JPH2: variants seen among roughly 807,000 people sequenced by gnomAD.
The protein encoded by JPH2 is junctophilin-2.
Under a neutral mutation model 55.9 loss-of-function variants are expected in JPH2, and 38 were observed. That is an observed-to-expected ratio of 0.68 (90% CI 0.52 to 0.89). JPH2 has a LOEUF of 0.89. Ranked by LOEUF, JPH2 falls within the 40% of genes least tolerant of loss-of-function variation. The pLI, the probability that JPH2 is intolerant of heterozygous loss-of-function variation, is 0.00. For synonymous variants in JPH2, 480 were observed against 472.4 expected (o/e 1.02, Z -0.21); for missense variants, 964 against 1,037.6 (o/e 0.93, Z 0.97).
chr20:44,159,258 G>C lies in JPH2; in HGVS notation c.1169+360C>G, dbSNP rs2072586397. ...GTGGATTTGGATGGATGTTTGGGTG[G>C]TTGACTGCGAGGTTGTGTGGATAGA... On this transcript the variant is annotated intron_variant, in intron 2 of 5. Transcript: ENST00000372980. This position sits in a 1 kb window ranked among gnomAD's most constrained non-coding sequence, Gnocchi z 5.7. Among the ~76,000 whole-genome samples the C allele has an allele frequency of 6.6e-6, 1 of 152,098 alleles. No homozygotes were observed. The highest frequency in any genetic ancestry group is 2.1e-4 in the South Asian group (1 of 4,824).
At chr20:44,146,120 G>A (rs60526725) in intron 2 of JPH2, among the ~76,000 whole-genome samples, 1 of 150,008 alleles carries the variant, frequency 6.7e-6, no homozygotes, top group South Asian at 2.1e-4. Flanking sequence ...TGCAAGCTCC[G>A]CCTCCCGGGT....
At chr20:44,139,255 T>C (rs2072438703) in intron 2 of JPH2, among the ~76,000 whole-genome samples, 1 of 152,114 alleles carries the variant, frequency 6.6e-6, no homozygotes, top group African/African-American at 2.4e-5. Context: ...GCAGAGGCCT[T>C]CCCACCCTAA....
At chr20:44,131,161 T>C (rs997209599) in intron 2 of JPH2, among the ~76,000 whole-genome samples, 1 of 152,178 alleles carries the variant, frequency 6.6e-6, no homozygotes, top group Non-Finnish European at 1.5e-5. Context: ...AGTCATGGGA[T>C]GTCACTTCCA....
At chr20:44,125,113 C>CAAA (rs11299035) in intron 2 of JPH2, among the ~76,000 whole-genome samples, 1 of 118,002 alleles carries the variant, frequency 8.5e-6, no homozygotes, top group Admixed American at 8.4e-5. Flanking sequence ...GACTCTGGCT[C>CAAA]AAAAAAAAAA....
intron 1 of JPH2, among the ~76,000 whole-genome samples, chr20:44,179,238 G>T (rs898375792): frequency 9.2e-5 from 14 of 152,160 alleles, no homozygotes; most frequent in African/African-American, 3.1e-4. Context: ...AGCAAGCATT[G>T]CACCTAGGAA....
At chr20:44,162,093 T>C (rs956048993) in intron 1 of JPH2, among the ~76,000 whole-genome samples, 1 of 152,198 alleles carries the variant, frequency 6.6e-6, no homozygotes, top group East Asian at 1.9e-4. Context: ...CGGTACCTGA[T>C]ACATAACGTT....
At chr20:44,134,434 A>T (rs1447074321) in intron 2 of JPH2, among the ~76,000 whole-genome samples, 1 of 3,122 alleles carries the variant, frequency 3.2e-4, no homozygotes, top group Non-Finnish European at 5.2e-4. Context: ...ATTTATTATA[A>T]ATATATATAA....
intron 1 of JPH2, among the ~76,000 whole-genome samples, chr20:44,175,096 GTC>G (rs1461932148): frequency 1.3e-5 from 2 of 152,118 alleles, no homozygotes; most frequent in African/African-American, 4.8e-5. Context: ...CCTTTGTCCG[GTC>G]TCCCCAGGGT....
Position 44,115,793 on chromosome 20 carries a change from T to C in JPH2, c.1882A>G (p.Ile628Val), listed in dbSNP as rs2145838095. 6.2e-7 allele frequency: 1 copy of C among 1,609,246 alleles called. No individual in the cohort carries two copies. Among genetic ancestry groups the C allele is most frequent in the Non-Finnish European group, 8.5e-7 (1 of 1,179,760 alleles). ...TTGGCCCTGGGCTCGGCTTTGGGGA[T>C]GATGGGCTTGGGCTCCAGCTTGGCG... ...TPAKLEPKPIIPKAEPRAKAR... is the reference protein window; with the variant it reads ...TPAKLEPKPIVPKAEPRAKAR... The change falls in exon 4 of 6, where the codon ATC becomes GTC. Residue 628 changes from isoleucine (I) to valine (V), a missense_variant. Physicochemically the swap from Ile to Val is conservative, Grantham distance 29. Transcript: ENST00000372980.
chr20:44,142,161 C>T (rs1233875558), intron 2 of JPH2, among the ~76,000 whole-genome samples: 1 of 152,180 alleles, frequency 6.6e-6, no homozygotes, highest in East Asian at 1.9e-4. Flanking sequence ...TGGGCAAGCG[C>T]ATATGCCCTA....
At chr20:44,162,715 C>T (rs375502755) in intron 1 of JPH2, among the ~76,000 whole-genome samples, 17 of 123,974 alleles carry the variant, frequency 1.4e-4, no homozygotes, top group African/African-American at 4.1e-4. Context: ...ACCCTGTGAT[C>T]GTGTGAGTTA....
intron 2 of JPH2, among the ~76,000 whole-genome samples, chr20:44,134,740 T>G (rs2072390111): frequency 1.7e-5 from 1 of 60,018 alleles, no homozygotes; most frequent in Non-Finnish European, 3.1e-5. Context: ...TATAAATATA[T>G]AAAGATATAT....
rs530612304 is a variant in JPH2 at position 44,110,820 on chromosome 20, C to A, written c.*2698G>T. Among the ~76,000 whole-genome samples the A allele has an allele frequency of 6.6e-6, 1 of 152,158 alleles. No individual in the cohort carries two copies. The highest frequency in any genetic ancestry group is 1.9e-4 in the East Asian group (1 of 5,200). On this transcript the variant is annotated 3_prime_UTR_variant, in exon 6 of 6. Transcript: ENST00000372980. Reference sequence around the variant, plus strand: ...AAGACCATGGGGCAGGGATTAGAGTCTCCTCAGCAGAAGAGGAAACTGAGG... The same window carrying A: ...AAGACCATGGGGCAGGGATTAGAGTATCCTCAGCAGAAGAGGAAACTGAGG...
Position 44,119,442 on chromosome 20 carries a change from AC to A in JPH2, c.1170-820del, listed in dbSNP as rs1365861702. Among the ~76,000 whole-genome samples the A allele has an allele frequency of 7.0e-4, 106 of 152,300 alleles. 1 individual carries two copies. The highest frequency in any genetic ancestry group is 4.7e-3 in the Admixed American group (72 of 15,300). ...TGTAGCTTTTCTCATTGTAGTGGGT[AC>A]TTCTGGTGCCCTATGCAGATCCCTT... On this transcript the variant is annotated intron_variant, in intron 2 of 5. Coordinates refer to ENST00000372980, the MANE Select transcript of JPH2 (RefSeq NM_020433.5).
chr20:44,134,566 AAT>A (rs1449228155), intron 2 of JPH2, among the ~76,000 whole-genome samples: 3 of 35,702 alleles, frequency 8.4e-5, no homozygotes, highest in African/African-American at 3.3e-4. Context: ...TATATAAATA[AAT>A]ATATATTTAT....
At chr20:44,163,887 T>C (rs1404405275) in intron 1 of JPH2, among the ~76,000 whole-genome samples, 3 of 152,180 alleles carry the variant, frequency 2.0e-5, no homozygotes, top group African/African-American at 7.2e-5. Context: ...ACACCTGGGC[T>C]CTGTTCCCTT....
chr20:44,182,601 C>T (rs548754187), intron 1 of JPH2, among the ~76,000 whole-genome samples: 1 of 152,194 alleles, frequency 6.6e-6, no homozygotes, highest in African/African-American at 2.4e-5. Flanking sequence ...AGCACTGCCT[C>T]GGGGCCTTTG....
chr20:44,116,419 A>G, intron 3 of JPH2, 33 bp from the exon 4 acceptor site: 1 of 1,542,726 alleles, frequency 6.5e-7, no homozygotes, highest in South Asian at 1.2e-5. Context: ...CTGGGCTCGA[A>G]CCCCGCACCA....
chr20:44,178,932 A>C (rs2072757671), intron 1 of JPH2, among the ~76,000 whole-genome samples: 1 of 152,252 alleles, frequency 6.6e-6, no homozygotes, highest in Non-Finnish European at 1.5e-5. Context: ...CTTACTGCTC[A>C]GTCCTCCAGC....
Sources: gnomAD v4.1 joint callset for allele counts (sites outside exome capture counted in the v4.1 genomes callset) on GRCh38, gnomAD v4.1.1 for gene constraint, Gnocchi (gnomAD v3.1) non-coding constraint, MANE v1.5 for transcripts, NCBI Gene and HGNC (gene_info 2026-07-23, HGNC 2026-07-21) for gene names.